The following GRID2 variants were observed in gnomAD, a reference collection of about 807,000 sequenced individuals.
GRID2 encodes glutamate receptor ionotropic, delta-2.
GRID2 carries 33 observed loss-of-function variants against 114.8 expected under a neutral mutation model. That is an observed-to-expected ratio of 0.29 (90% confidence interval 0.22 to 0.38). The LOEUF (loss-of-function observed/expected upper bound fraction) is 0.38, where lower values mean the gene tolerates loss of function less well. Ranked by LOEUF, GRID2 falls within the 10% of genes least tolerant of loss-of-function variation. GRID2 has a pLI of 1.00. For synonymous variants in GRID2, 505 were observed against 449.9 expected, an observed-to-expected ratio of 1.12 and a Z score of -1.55; for missense variants, 1,184 against 1,257.7, an observed-to-expected ratio of 0.94 and a Z score of 0.89.
intron 12 of GRID2, among the ~76,000 whole-genome samples, chr4:93,507,623 C>T (rs921894457): frequency 6.6e-6 from 1 of 152,114 alleles, no homozygotes; most frequent in African/African-American, 2.4e-5. Context: ...TTTCAGTTTG[C>T]TTCCAATATT....
chr4:93,027,933 G>T (rs1724030538), intron 2 of GRID2, among the ~76,000 whole-genome samples: 1 of 151,926 alleles, frequency 6.6e-6, no homozygotes, highest in South Asian at 2.1e-4. Flanking sequence ...CATTAAAATA[G>T]TAATATTTAC....
intron 2 of GRID2, among the ~76,000 whole-genome samples, chr4:92,993,267 A>C (rs1420155222): frequency 1.3e-5 from 2 of 151,676 alleles, no homozygotes; most frequent in Non-Finnish European, 2.9e-5. Context: ...AAAGCATTGT[A>C]AGTACCAAAA....
intron 2 of GRID2, among the ~76,000 whole-genome samples, chr4:92,864,141 A>G (rs2149438419): frequency 6.6e-6 from 1 of 152,314 alleles, no homozygotes; most frequent in South Asian, 2.1e-4. Context: ...AATAACAGGC[A>G]TAGCTGCCAT....
At chr4:92,392,066 G>A (rs1352138764) in intron 1 of GRID2, among the ~76,000 whole-genome samples, 2 of 152,102 alleles carry the variant, frequency 1.3e-5, no homozygotes, top group African/African-American at 2.4e-5. Flanking sequence ...ACATACCACT[G>A]ACAGCTTCCA....
In GRID2 at chr4:92,581,597, A is replaced by G. The variant is rs547571622; in HGVS notation, c.89-8534A>G. Among the ~76,000 whole-genome samples, 342 of 152,246 alleles carry G rather than the reference A, an allele frequency of 2.2e-3. 4 individuals carry two copies. The highest frequency in any genetic ancestry group is 9.3e-4 in the Non-Finnish European group (63 of 67,978). On this transcript the variant is annotated intron_variant, in intron 1 of 15. Coordinates refer to ENST00000282020, the MANE Select transcript of GRID2 (RefSeq NM_001510.4). ...AAGGCTAAGAAAAGGGTCTTGTGTT[A>G]GAATGAAGAATCCCTTTGAATTTGA...
intron 2 of GRID2, among the ~76,000 whole-genome samples, chr4:92,719,106 C>T (rs1735688190): frequency 6.6e-6 from 1 of 151,986 alleles, no homozygotes; most frequent in Non-Finnish European, 1.5e-5. Context: ...CCTGTCTCAG[C>T]CACCCAAGTA....
intron 1 of GRID2, among the ~76,000 whole-genome samples, chr4:93,795,709 T>A (rs2110362165): frequency 6.6e-6 from 1 of 152,318 alleles, no homozygotes; most frequent in East Asian, 1.9e-4. Context: ...AATCCCAAAT[T>A]ACGGGATTAA....
intron 2 of GRID2, among the ~76,000 whole-genome samples, chr4:92,621,516 T>C (rs1560494457): frequency 6.6e-6 from 1 of 151,718 alleles, no homozygotes; most frequent in Non-Finnish European, 1.5e-5. Flanking sequence ...AAAAACTCCA[T>C]AGATGAATAG....
In GRID2 at chr4:93,593,415, G is replaced by A. The variant is rs1435151269; in HGVS notation, c.2194-32854G>A. On this transcript the variant is annotated intron_variant, in intron 13 of 15. Coordinates refer to ENST00000282020, the MANE Select transcript of GRID2 (RefSeq NM_001510.4). ...TCTTCTGGCTTGTAGGGTTTCTGCC[G>A]AGAGATCCGCTGTTAGTCTGATGGG... 3.7e-4 allele frequency among the ~76,000 whole-genome samples: 49 copies of A among 131,350 alleles called. No homozygotes were observed. In the Middle Eastern group the frequency reaches 0.011, roughly 30 times the overall value. The allele number at this position is 131,350 out of a possible 152,430, so 86.2% of individuals were successfully genotyped here.
chr4:92,710,926 T>G (rs901770024), intron 2 of GRID2, among the ~76,000 whole-genome samples: 1 of 145,664 alleles, frequency 6.9e-6, no homozygotes, highest in Non-Finnish European at 1.5e-5. Context: ...AGATTCAGTG[T>G]TTTTTTTTTA....
intron 2 of GRID2, among the ~76,000 whole-genome samples, chr4:93,039,103 T>G (rs1359172265): frequency 6.6e-6 from 1 of 151,948 alleles, no homozygotes; most frequent in East Asian, 1.9e-4. Context: ...ATAAAGAAAA[T>G]GTGGCACATA....
intron 1 of GRID2, among the ~76,000 whole-genome samples, chr4:92,446,273 T>A (rs1267642628): frequency 6.6e-6 from 1 of 152,160 alleles, no homozygotes; most frequent in East Asian, 1.9e-4. Context: ...TTAAATTGTA[T>A]GTTCTTACCT....
chr4:92,813,174 G>A (rs1308185115), intron 2 of GRID2, among the ~76,000 whole-genome samples: 1 of 151,936 alleles, frequency 6.6e-6, no homozygotes, highest in African/African-American at 2.4e-5. Context: ...ATATTTCCTG[G>A]TCACCCACTG....
chr4:93,658,698 A>G (rs968558168), intron 14 of GRID2, among the ~76,000 whole-genome samples: 15 of 152,144 alleles, frequency 9.9e-5, no homozygotes, highest in African/African-American at 3.6e-4. Flanking sequence ...GATTCTGAGT[A>G]GTTCTCTAGA....
At chr4:92,573,526 A>C (rs2149195094) in intron 1 of GRID2, among the ~76,000 whole-genome samples, 1 of 152,034 alleles carries the variant, frequency 6.6e-6, no homozygotes, top group South Asian at 2.1e-4. Flanking sequence ...TGTTGTCATT[A>C]GTTACAAAGA....
At chr4:93,733,280 A>G (rs945599975) in intron 14 of GRID2, among the ~76,000 whole-genome samples, 2 of 152,124 alleles carry the variant, frequency 1.3e-5, no homozygotes, top group Non-Finnish European at 2.9e-5. Flanking sequence ...AAAACCCCAT[A>G]GGAGAATTAG....
At chr4:93,580,314 T>C (rs976886548) in intron 13 of GRID2, among the ~76,000 whole-genome samples, 4 of 152,190 alleles carry the variant, frequency 2.6e-5, no homozygotes, top group Non-Finnish European at 1.5e-5. Flanking sequence ...TGAACTATTA[T>C]CTTATTCTTC....
At position 93,154,033 on chromosome 4, in the gene GRID2, T is replaced by C. The variant is rs370862141; in HGVS notation, c.735+43080T>C. On this transcript the variant is annotated intron_variant, in intron 4 of 15. Transcript: ENST00000282020. ...GAGCAAATGATCCCTAAACTGCCAT[T>C]CCCTGCAAAAGTGTCCTCTATAGCA... 1.6e-4 allele frequency among the ~76,000 whole-genome samples: 24 copies of C among 152,190 alleles called. No individual in the cohort carries two copies. In the East Asian group the frequency reaches 4.6e-3, roughly 29 times the overall value.
chr4:93,502,667 C>T (rs969217763), intron 12 of GRID2, among the ~76,000 whole-genome samples: 1 of 151,246 alleles, frequency 6.6e-6, no homozygotes, highest in East Asian at 2.0e-4. Context: ...TTCCTGTCAC[C>T]TAAAGATATT....
Sources: gnomAD v4.1 joint callset for allele counts (sites outside exome capture counted in the v4.1 genomes callset) on GRCh38, gnomAD v4.1.1 for gene constraint, MANE v1.5 for transcripts, NCBI Gene and HGNC (gene_info 2026-07-23, HGNC 2026-07-21) for gene names.